The following ZBTB7C variants were observed in gnomAD, a reference collection of about 807,000 sequenced individuals.
ZBTB7C encodes zinc finger and BTB domain-containing protein 7C.
ZBTB7C carries 8 observed loss-of-function variants against 25.7 expected under a neutral mutation model. That is an observed-to-expected ratio of 0.31 (90% CI 0.18 to 0.56). The LOEUF (loss-of-function observed/expected upper bound fraction) is 0.56, where lower values mean the gene tolerates loss of function less well. Among genes scored for constraint, ZBTB7C ranks in the 20% least tolerant of loss-of-function variants. The pLI, the probability that ZBTB7C is intolerant of heterozygous loss-of-function variation, is 0.91. For missense variants in ZBTB7C, 824 were observed against 855.2 expected (o/e 0.96, Z 0.46); for synonymous variants, 394 against 369.0 (o/e 1.07, Z -0.78).
chr18:48,198,811 A>C (rs2042373760), intron 2 of ZBTB7C, among the ~76,000 whole-genome samples: 1 of 152,190 alleles, frequency 6.6e-6, no homozygotes, highest in Non-Finnish European at 1.5e-5. Context: ...CCTGGGGATT[A>C]GGATGTGGAC....
chr18:48,351,958 A>C (rs1047564318), intron 1 of ZBTB7C, among the ~76,000 whole-genome samples: 1 of 152,178 alleles, frequency 6.6e-6, no homozygotes, highest in East Asian at 1.9e-4. Context: ...TGATGACAGG[A>C]ACTAGAGATA....
At chr18:48,323,591 T>C (rs1054810420) in intron 2 of ZBTB7C, among the ~76,000 whole-genome samples, 1 of 152,104 alleles carries the variant, frequency 6.6e-6, no homozygotes, top group African/African-American at 2.4e-5. Context: ...GACTTTGCCA[T>C]TCTTTTGATT....
At chr18:48,056,346 G>A (rs1315788836) in intron 3 of ZBTB7C, among the ~76,000 whole-genome samples, 4 of 152,068 alleles carry the variant, frequency 2.6e-5, no homozygotes, top group East Asian at 1.9e-4. Flanking sequence ...TAAAAATATC[G>A]GAATTTCTAC....
At chr18:48,143,519 AGCTGAGGTCTG>A (rs1484940583) in intron 3 of ZBTB7C, among the ~76,000 whole-genome samples, 2 of 152,070 alleles carry the variant, frequency 1.3e-5, no homozygotes, top group Admixed American at 6.5e-5. Flanking sequence ...CAGCCTCAAG[AGCTGAGGTCTG>A]GCTACATTAG....
chr18:48,134,530 C>T (rs773874979), intron 3 of ZBTB7C, among the ~76,000 whole-genome samples: 21 of 152,188 alleles, frequency 1.4e-4, no homozygotes, highest in Non-Finnish European at 2.2e-4. Flanking sequence ...GAACCATGTA[C>T]GGTCTAGAGA....
At chr18:48,054,500 G>A (rs913222138) in intron 3 of ZBTB7C, among the ~76,000 whole-genome samples, 4 of 152,080 alleles carry the variant, frequency 2.6e-5, no homozygotes, top group African/African-American at 9.7e-5. Context: ...CTCAGCCCTC[G>A]ACAAACACTC....
At chr18:48,055,158 C>G (rs2036861265) in intron 3 of ZBTB7C, among the ~76,000 whole-genome samples, 2 of 151,916 alleles carry the variant, frequency 1.3e-5, no homozygotes, top group African/African-American at 4.8e-5. Flanking sequence ...CAAAGTAATC[C>G]CAGTACTTTG....
intron 3 of ZBTB7C, chr18:48,137,353 T>C (rs2040204192): frequency 2.0e-6 from 2 of 983,942 alleles, no homozygotes; most frequent in Admixed American, 6.1e-5. Context: ...GCAAGGGCGG[T>C]GGAGGAGCTT....
At chr18:48,200,084 T>G (rs2042405155) in intron 2 of ZBTB7C, among the ~76,000 whole-genome samples, 1 of 152,028 alleles carries the variant, frequency 6.6e-6, no homozygotes, top group Non-Finnish European at 1.5e-5. Context: ...CCACCCTGCC[T>G]GGAGAATAGA....
At chr18:48,095,515 C>T (rs1042905719) in intron 3 of ZBTB7C, among the ~76,000 whole-genome samples, 1 of 152,060 alleles carries the variant, frequency 6.6e-6, no homozygotes, top group African/African-American at 2.4e-5. Flanking sequence ...GGTTCGAGAC[C>T]AGCCTGGTCA....
intron 3 of ZBTB7C, among the ~76,000 whole-genome samples, chr18:48,179,282 C>A (rs2041798704): frequency 6.6e-6 from 1 of 152,204 alleles, no homozygotes; most frequent in Non-Finnish European, 1.5e-5. Context: ...GGACCAGAGT[C>A]CCCAACCAAT....
At chr18:48,260,571 G>A (rs997830569) in intron 2 of ZBTB7C, among the ~76,000 whole-genome samples, 1 of 152,112 alleles carries the variant, frequency 6.6e-6, no homozygotes, top group South Asian at 2.1e-4. Context: ...GATCAGCCTG[G>A]GTAACCTCCT....
chr18:48,206,365 C>T (rs776793503), intron 2 of ZBTB7C, among the ~76,000 whole-genome samples: 2 of 152,178 alleles, frequency 1.3e-5, no homozygotes, highest in Non-Finnish European at 2.9e-5. Flanking sequence ...ATACATGGTG[C>T]TGAGTCAACT....
At chr18:48,167,597 T>TGTGTGTGCGCGC (rs779870966) in intron 3 of ZBTB7C, among the ~76,000 whole-genome samples, 10 of 148,042 alleles carry the variant, frequency 6.8e-5, no homozygotes, top group African/African-American at 2.5e-4. Context: ...TGTGTGTGTG[T>TGTGTGTGCGCGC]GCGCGCGTGC....
chr18:48,263,370 A>G (rs1367176706), intron 2 of ZBTB7C, among the ~76,000 whole-genome samples: 1 of 152,214 alleles, frequency 6.6e-6, no homozygotes, highest in Admixed American at 6.5e-5. Context: ...CCTTGCAATC[A>G]TCAGCAACCT....
intron 3 of ZBTB7C, among the ~76,000 whole-genome samples, chr18:48,121,149 C>T (rs2039615814): frequency 6.6e-6 from 1 of 152,208 alleles, no homozygotes; most frequent in African/African-American, 2.4e-5. Flanking sequence ...AGAAAGCTGT[C>T]CCTCGAAGAC....
intron 1 of ZBTB7C, among the ~76,000 whole-genome samples, chr18:48,364,407 GC>G (rs1468051982): frequency 6.6e-6 from 1 of 152,166 alleles, no homozygotes; most frequent in East Asian, 1.9e-4. Context: ...CAGCATTTGG[GC>G]CTGACCTTTG....
chr18:48,333,817 C>T (rs147251862), intron 2 of ZBTB7C, among the ~76,000 whole-genome samples: 12 of 152,316 alleles, frequency 7.9e-5, no homozygotes, highest in African/African-American at 2.9e-4. Flanking sequence ...CTGCAGCGAG[C>T]ATCAAAGGCC....
At chr18:48,162,351 C>CTG (rs1254815864) in intron 3 of ZBTB7C, 1 of 456,510 alleles carries the variant, frequency 2.2e-6, no homozygotes, top group Non-Finnish European at 4.4e-6. Context: ...CACCTACCTG[C>CTG]TGGGTGACCT....
Sources: gnomAD v4.1 joint callset for allele counts (sites outside exome capture counted in the v4.1 genomes callset) on GRCh38, gnomAD v4.1.1 for gene constraint, MANE v1.5 for transcripts, NCBI Gene and HGNC (gene_info 2026-07-23, HGNC 2026-07-21) for gene names.